MYO9A: variants seen among roughly 807,000 people sequenced by gnomAD.
MYO9A encodes the protein myosin IXA, also known as unconventional myosin-IXa.
MYO9A carries 103 observed loss-of-function variants against 293.3 expected under a neutral mutation model. The observed-to-expected ratio is 0.35, with a 90% confidence interval of 0.30 to 0.41. The LOEUF (loss-of-function observed/expected upper bound fraction) is 0.41. Ranked by LOEUF, MYO9A falls within the 10% of genes least tolerant of loss-of-function variation. The pLI, the probability that MYO9A is intolerant of heterozygous loss-of-function variation, is 1.00. For synonymous variants in MYO9A, 1,001 were observed against 1,035.7 expected, an observed-to-expected ratio of 0.97 and a Z score of 0.64; for missense variants, 2,685 against 3,033.0, an observed-to-expected ratio of 0.89 and a Z score of 2.69.
In MYO9A at chr15:71,991,158, AAATT is replaced by A; in HGVS notation, c.1663_1666del (p.Asn555LeufsTer32). On this transcript the variant is annotated frameshift_variant, in exon 11 of 42. Transcript: ENST00000356056. LOFTEE classifies it high-confidence loss of function. ...GTAGTGCTGTAAACGTTCATTAGCA[AAATT>A]AATACAGAACTGTTCAAAGCTGTTA... is the stretch of plus-strand genomic sequence containing the variant. 6.2e-7 allele frequency: 1 copy of A among 1,609,258 alleles called. No homozygotes were observed. The highest frequency in any genetic ancestry group is 8.5e-7 in the Non-Finnish European group (1 of 1,177,882).
chr15:71,934,613 T>C (rs80018800), intron 17 of MYO9A, among the ~76,000 whole-genome samples: 4 of 151,452 alleles, frequency 2.6e-5, no homozygotes, highest in African/African-American at 9.7e-5. Context: ...TTTTTTTTTT[T>C]TCTCAGAGAC....
rs182127252 is a variant in MYO9A at position 72,050,880 on chromosome 15, T to C, written c.-71-4246A>G. 2.5e-3 allele frequency among the ~76,000 whole-genome samples: 378 copies of C among 152,276 alleles called. 8 individuals are homozygous for C. In the South Asian group the frequency reaches 0.027, roughly 11 times the overall value. On this transcript the variant is annotated intron_variant, in intron 1 of 41. Coordinates refer to ENST00000356056, the MANE Select transcript of MYO9A (RefSeq NM_006901.4). Reference sequence around the variant, plus strand: ...TTGGTAATCCAAAGGTCTTTCCTCATTCTTCATTTTAACACACCACACTAT... The same window carrying C: ...TTGGTAATCCAAAGGTCTTTCCTCACTCTTCATTTTAACACACCACACTAT...
intron 13 of MYO9A, among the ~76,000 whole-genome samples, chr15:71,965,678 G>A (rs768066220): frequency 1.3e-5 from 2 of 152,186 alleles, no homozygotes; most frequent in Admixed American, 6.5e-5. Context: ...GGCGGAGGTT[G>A]CAGTGAGTCG....
intron 28 of MYO9A, among the ~76,000 whole-genome samples, chr15:71,882,197 G>A (rs1256986296): frequency 1.3e-5 from 2 of 151,980 alleles, no homozygotes; most frequent in African/African-American, 2.4e-5. Flanking sequence ...GCTTTCTTCC[G>A]AGGACCTCTT....
chr15:71,884,071 A>T (rs1394089860), intron 27 of MYO9A, among the ~76,000 whole-genome samples: 10 of 152,038 alleles, frequency 6.6e-5, no homozygotes, highest in Admixed American at 6.6e-4. Flanking sequence ...AAGTTTTCTA[A>T]CTCCCAAACT....
intron 10 of MYO9A, among the ~76,000 whole-genome samples, chr15:71,991,468 A>T (rs2076540352): frequency 6.6e-6 from 1 of 152,220 alleles, no homozygotes; most frequent in Non-Finnish European, 1.5e-5. Flanking sequence ...TAATCTATAG[A>T]TTACAGAAAT....
chr15:71,912,139 A>G (rs1014579030), intron 19 of MYO9A, among the ~76,000 whole-genome samples: 2 of 152,152 alleles, frequency 1.3e-5, no homozygotes, highest in African/African-American at 2.4e-5. Context: ...TAACAACACT[A>G]TATTTCCACT....
At chr15:72,085,095 C>T (rs563059757) in intron 1 of MYO9A, among the ~76,000 whole-genome samples, 34 of 152,102 alleles carry the variant, frequency 2.2e-4, no homozygotes, top group Non-Finnish European at 4.1e-4. Context: ...ACCTATTCTG[C>T]TATTAATACC....
chr15:72,111,326 C>A (rs1596606941), intron 1 of MYO9A, among the ~76,000 whole-genome samples: 1 of 149,596 alleles, frequency 6.7e-6, no homozygotes, highest in South Asian at 2.1e-4. Context: ...CCTGTCTCTA[C>A]TAAAAATACA....
At chr15:71,962,611 T>C (rs1356718509) in intron 13 of MYO9A, among the ~76,000 whole-genome samples, 2 of 152,236 alleles carry the variant, frequency 1.3e-5, no homozygotes, top group East Asian at 1.9e-4. Flanking sequence ...ATGAACTTAA[T>C]GTATTTTACG....
intron 2 of MYO9A, among the ~76,000 whole-genome samples, chr15:72,037,429 G>A (rs2078087893): frequency 6.6e-6 from 1 of 152,010 alleles, no homozygotes; most frequent in African/African-American, 2.4e-5. Context: ...ACAAAACACA[G>A]GAGACCTGTG....
intron 2 of MYO9A, among the ~76,000 whole-genome samples, chr15:72,034,398 T>C (rs1326878116): frequency 2.0e-5 from 3 of 152,232 alleles, no homozygotes; most frequent in Non-Finnish European, 4.4e-5. Context: ...AAGAAATTAT[T>C]CTATAATGAT....
chr15:71,828,437 C>A (rs1326406967), intron 40 of MYO9A, among the ~76,000 whole-genome samples: 6 of 152,214 alleles, frequency 3.9e-5, no homozygotes, highest in Non-Finnish European at 7.3e-5. Flanking sequence ...TAGATAACCT[C>A]TAAGATTCCT....
chr15:71,855,586 T>G (rs986330315), intron 34 of MYO9A, among the ~76,000 whole-genome samples: 3 of 152,178 alleles, frequency 2.0e-5, no homozygotes, highest in African/African-American at 7.2e-5. Context: ...AAATCTGTCT[T>G]TCCTTCTCCT....
At chr15:72,071,501 C>T (rs1011155932) in intron 1 of MYO9A, among the ~76,000 whole-genome samples, 5 of 152,040 alleles carry the variant, frequency 3.3e-5, no homozygotes, top group Non-Finnish European at 5.9e-5. Flanking sequence ...AGCACTTTGG[C>T]AGGCCAAGGC....
At chr15:72,047,440 G>A (rs550121231) in intron 1 of MYO9A, among the ~76,000 whole-genome samples, 6 of 151,950 alleles carry the variant, frequency 3.9e-5, no homozygotes, top group Admixed American at 1.3e-4. Context: ...CTCGAACCTC[G>A]TATACAGTAT....
chr15:71,949,333 G>A (rs1201658181), intron 15 of MYO9A, among the ~76,000 whole-genome samples: 2 of 151,884 alleles, frequency 1.3e-5, no homozygotes, highest in African/African-American at 2.4e-5. Flanking sequence ...CACACGAGGA[G>A]GCTGGGATTA....
At chr15:72,036,966 C>A (rs1310765034) in intron 2 of MYO9A, among the ~76,000 whole-genome samples, 1 of 151,774 alleles carries the variant, frequency 6.6e-6, no homozygotes, top group African/African-American at 2.4e-5. Context: ...CTCCTGGGCT[C>A]AAGTGATCCA....
chr15:71,960,129 G>C, intron 13 of MYO9A, 33 bp from the exon 14 acceptor site: 2 of 1,559,286 alleles, frequency 1.3e-6, no homozygotes, highest in Non-Finnish European at 1.8e-6. Flanking sequence ...TTACTTATGG[G>C]AAAAAAAAAT....
Sources: gnomAD v4.1 joint callset for allele counts (sites outside exome capture counted in the v4.1 genomes callset) on GRCh38, gnomAD v4.1.1 for gene constraint, MANE v1.5 for transcripts, NCBI Gene and HGNC (gene_info 2026-07-23, HGNC 2026-07-21) for gene names.